Variants in TAF9B observed in about 807,000 individuals in gnomAD.
TAF9B encodes the protein transcription initiation factor TFIID subunit 9B.
A neutral mutation model predicts 17.6 loss-of-function variants in TAF9B; 47 were observed. That is an observed-to-expected ratio of 2.68 (90% CI 2.12 to 3.41). The LOEUF is 3.41. TAF9B is among the 30% of genes most tolerant of loss of function. The pLI, the probability that TAF9B is intolerant of heterozygous loss-of-function variation, is 0.00. For missense variants in TAF9B, 218 were observed against 189.3 expected, an observed-to-expected ratio of 1.15 and a Z score of -0.89; for synonymous variants, 84 against 68.7, an observed-to-expected ratio of 1.22 and a Z score of -1.10.
At position 78,133,283 on chromosome X, in the gene TAF9B, G is replaced by A. The variant is rs1370654648; in HGVS notation, c.592+55C>T. 3.0e-6 allele frequency: 3 copies of A among 988,531 alleles called. No individual in the cohort carries two copies. The African/African-American group carries it at 5.7e-5, about 19-fold the overall frequency. The allele number at this position is 988,531 out of a possible 1,213,427, so 81.5% of individuals were successfully genotyped here. A position where few individuals can be genotyped will look rare whatever the true frequency, so the allele number is the denominator to read the frequency against. ...ACCTCTTGCTATAGGAATACAAACGGTCCTACAATTTCAAATTATTCACAA... is the reference window on the plus strand; with the variant it reads ...ACCTCTTGCTATAGGAATACAAACGATCCTACAATTTCAAATTATTCACAA... On this transcript the variant is annotated intron_variant, in intron 6 of 6. Transcript: ENST00000341864.
chrX:78,135,525 G>T (rs112355147), intron 5 of TAF9B, among the ~76,000 whole-genome samples: 29,419 of 108,883 alleles, frequency 0.27, 3,125 homozygotes, highest in East Asian at 0.38. Context: ...AACCCAGGAG[G>T]CAGAGGTTGC....
chrX:78,132,063 G>A (rs933830340), intron 6 of TAF9B, among the ~76,000 whole-genome samples: 4 of 111,446 alleles, frequency 3.6e-5, no homozygotes, highest in Non-Finnish European at 7.5e-5. Context: ...GCGTGATCTT[G>A]GCTCACTGCA....
In TAF9B at chrX:78,138,848, G is replaced by A; in HGVS notation, c.128C>T (p.Ala43Val). The change falls in exon 2 of 7, where the codon GCT becomes GTT. Residue 43 changes from alanine (A) to valine (V), a missense_variant. Transcript: ENST00000341864. ...PRVINQMLEF[A>V]FRYVTTILDD... is the part of the protein sequence containing the mutation. Reference sequence around the variant, plus strand: ...TTGGTGTTTCATTAACTTACGGAAAGCAAATTCCAACATTTGATTTATAAC... The same window carrying A: ...TTGGTGTTTCATTAACTTACGGAAAACAAATTCCAACATTTGATTTATAAC... 1.7e-6 allele frequency: 2 copies of A among 1,201,105 alleles called. No homozygotes were observed. Among genetic ancestry groups the A allele is most frequent in the Non-Finnish European group, 2.3e-6 (2 of 885,986 alleles).
chrX:78,131,924 G>GTACT (rs1486587996), intron 6 of TAF9B, 151 bp from the exon 7 acceptor site: 3 of 417,604 alleles, frequency 7.2e-6, no homozygotes, highest in Non-Finnish European at 1.2e-5. Flanking sequence ...AGAAACATAG[G>GTACT]TACTTATACT....
chrX:78,132,305 A>G (rs906757193), intron 6 of TAF9B, among the ~76,000 whole-genome samples: 1 of 111,998 alleles, frequency 8.9e-6, no homozygotes, highest in Non-Finnish European at 1.9e-5. Context: ...ATAATTGTGT[A>G]TATGTACGGG....
Position 78,138,814 on chromosome X carries a change from G to C in TAF9B, c.133+29C>G, listed in dbSNP as rs782597654. On this transcript the variant is annotated intron_variant, in intron 2 of 6. Coordinates refer to ENST00000341864, the MANE Select transcript of TAF9B (RefSeq NM_015975.5). ...AATATCTTTTCAAGTTCACAAGTTA[G>C]GCAAGTTTTTGGTGTTTCATTAACT... 5.7e-6 allele frequency: 6 copies of C among 1,047,807 alleles called. No homozygotes were observed. In the Admixed American group the frequency reaches 6.7e-5, roughly 12 times the overall value. The allele number at this position is 1,047,807 out of a possible 1,213,427, so 86.4% of individuals were successfully genotyped here. A position where few individuals can be genotyped will look rare whatever the true frequency, so the allele number is the denominator to read the frequency against.
intron 4 of TAF9B, among the ~76,000 whole-genome samples, 180 bp downstream of exon 4, chrX:78,137,569 C>G (rs983387987): frequency 5.4e-5 from 6 of 111,609 alleles, no homozygotes; most frequent in African/African-American, 2.0e-4. Context: ...TGAAAAATGA[C>G]TGTTGAGTTA....
intron 6 of TAF9B, among the ~76,000 whole-genome samples, 169 bp from the exon 7 acceptor site, chrX:78,131,942 GTTGAA>G (rs1314855306): frequency 1.8e-5 from 2 of 112,389 alleles, no homozygotes; most frequent in African/African-American, 3.2e-5. Context: ...ACTGCAATGA[GTTGAA>G]TTAAATTTTA....
In TAF9B at chrX:78,130,549, C is replaced by T; in HGVS notation, c.*1061G>A. 1 of 112,468 alleles carries T rather than the reference C, an allele frequency of 8.9e-6. No homozygotes were observed. Among genetic ancestry groups the T allele is most frequent in the Non-Finnish European group, 1.9e-5 (1 of 53,246 alleles). 9.3% of individuals were successfully genotyped at this position (112,468 alleles called of 1,213,427 possible). On this transcript the variant is annotated 3_prime_UTR_variant, in exon 7 of 7. Transcript: ENST00000341864. Reference sequence around the variant, plus strand: ...TATATGTGACATCCTCAGCAACAAGCTAAAATGATCTGAATTATACCAATA... The same window carrying T: ...TATATGTGACATCCTCAGCAACAAGTTAAAATGATCTGAATTATACCAATA...
intron 6 of TAF9B, among the ~76,000 whole-genome samples, chrX:78,132,610 CTGTG>C (rs201863850): frequency 0.036 from 3,494 of 96,026 alleles, 110 homozygotes; most frequent in African/African-American, 0.098. Context: ...TTATTCCAAT[CTGTG>C]TGTGTGTGTG....
At chrX:78,132,748 T>C (rs781914106) in intron 6 of TAF9B, among the ~76,000 whole-genome samples, 52 of 110,886 alleles carry the variant, frequency 4.7e-4, no homozygotes, top group African/African-American at 1.7e-3. Context: ...TCTTGAGCTT[T>C]TACCTTAACT....
At chrX:78,136,161 GA>G (rs1337230576) in intron 5 of TAF9B, among the ~76,000 whole-genome samples, 7 of 104,864 alleles carry the variant, frequency 6.7e-5, no homozygotes, top group East Asian at 2.9e-4. Flanking sequence ...AGGAATGTAG[GA>G]AAAAAAAAAC....
In TAF9B at chrX:78,139,553, G is replaced by A; in HGVS notation, c.51+8C>T. 8.3e-7 allele frequency: 1 copy of A among 1,211,690 alleles called. No individual in the cohort carries two copies. Among genetic ancestry groups the A allele is most frequent in the Non-Finnish European group, 1.1e-6 (1 of 895,323 alleles). On this transcript the variant is annotated splice_region_variant and intron_variant, in intron 1 of 6. Transcript: ENST00000341864. ...CTTCGCGATCCGCGGCTTATCCTTC[G>A]CACTTACCAAGGCATCTCTCGGAGC...
chrX:78,139,062 A>G, intron 1 of TAF9B, 138 bp from the exon 2 acceptor site: 2 of 454,171 alleles, frequency 4.4e-6, no homozygotes, highest in Non-Finnish European at 7.4e-6. Context: ...TGCCCTCCCA[A>G]GTGAGTCAGT....
Position 78,137,018 on chromosome X carries a change from T to C in TAF9B, c.406-28A>G, listed in dbSNP as rs17139572. The C allele has an allele frequency of 2.0e-3, 2,130 of 1,049,806 alleles. 31 individuals carry two copies. The African/African-American group carries it at 0.035, about 17-fold the overall frequency. 86.5% of individuals were successfully genotyped at this position (1,049,806 alleles called of 1,213,427 possible). The stretch of plus-strand genomic sequence containing the variant: ...AGGGGATTTAAAAAACAAATTAATG[T>C]TAAGATGTGACACCTAAATTTACCA... On this transcript the variant is annotated intron_variant, in intron 4 of 6. Transcript: ENST00000341864.
Position 78,136,903 on chromosome X carries a change from CCTCTCACTTACCTATAGTA to C in TAF9B, c.474_481+11del, listed in dbSNP as rs782256336. ...TTACCAGCCAGAAATGCCATTGTCT[CCTCTCACTTACCTATAGTA>C]GGAGTAGTAGGTTTGCTACTAACAG... On this transcript the variant is annotated splice_donor_variant and splice_donor_5th_base_variant and coding_sequence_variant and intron_variant, in exon 5 of 7. Transcript: ENST00000341864. LOFTEE classifies it high-confidence loss of function. The C allele has an allele frequency of 1.7e-6, 2 of 1,175,639 alleles. No individual in the cohort carries two copies. Among genetic ancestry groups the C allele is most frequent in the African/African-American group, 3.5e-5 (2 of 56,771 alleles).
chrX:78,136,847 ATAG>A (rs1354320419), intron 5 of TAF9B, 65 bp downstream of exon 5: 9 of 786,438 alleles, frequency 1.1e-5, no homozygotes, highest in Non-Finnish European at 1.7e-5. Context: ...GACTTGCATT[ATAG>A]TTCAAAACCA....
intron 6 of TAF9B, 88 bp downstream of exon 6, chrX:78,133,250 A>C: frequency 1.3e-6 from 1 of 787,427 alleles, no homozygotes; most frequent in Non-Finnish European, 1.9e-6. Context: ...TGGGTATTAA[A>C]ACAATTTACC....
At chrX:78,132,830 T>A (rs782172044) in intron 6 of TAF9B, among the ~76,000 whole-genome samples, 1 of 110,433 alleles carries the variant, frequency 9.1e-6, no homozygotes, top group Non-Finnish European at 1.9e-5. Context: ...GAAAATCTGA[T>A]GAACACACTG....
Sources: gnomAD v4.1 joint callset for allele counts (sites outside exome capture counted in the v4.1 genomes callset) on GRCh38, gnomAD v4.1.1 for gene constraint, MANE v1.5 for transcripts, NCBI Gene and HGNC (gene_info 2026-07-23, HGNC 2026-07-21) for gene names.